GRID2: variants seen among roughly 807,000 people sequenced by gnomAD.
GRID2 encodes the protein glutamate receptor ionotropic, delta-2.
GRID2 carries 33 observed loss-of-function variants against 114.8 expected under a neutral mutation model. The ratio of observed to expected loss-of-function variants is 0.29; its 90% confidence interval spans 0.22 to 0.38. The LOEUF is 0.38. Among genes scored for constraint, GRID2 ranks in the 10% least tolerant of loss-of-function variants. The pLI is 1.00. For missense variants in GRID2, 1,184 were observed against 1,257.7 expected (o/e 0.94, Z 0.89); for synonymous variants, 505 against 449.9 (o/e 1.12, Z -1.55).
chr4:93,758,214 TA>T (rs1055845362), intron 14 of GRID2, among the ~76,000 whole-genome samples: 22 of 152,202 alleles, frequency 1.4e-4, no homozygotes, highest in Admixed American at 2.6e-4. Flanking sequence ...AAATATAATT[TA>T]AAAAAATAGT....
chr4:93,472,539 T>G (rs1161681972), intron 11 of GRID2, among the ~76,000 whole-genome samples: 1 of 152,168 alleles, frequency 6.6e-6, no homozygotes, highest in East Asian at 1.9e-4. Flanking sequence ...ATCAGGAGTT[T>G]AAAAAGTAAA....
At chr4:93,145,693 A>ACCATGTT (rs1736158324) in intron 4 of GRID2, among the ~76,000 whole-genome samples, 1 of 110,356 alleles carries the variant, frequency 9.1e-6, no homozygotes, top group South Asian at 2.7e-4. Context: ...ATGGCGTTTC[A>ACCATGTT]CCATGTTGGC....
At chr4:92,439,331 C>T (rs13136972) in intron 1 of GRID2, among the ~76,000 whole-genome samples, 39 of 152,276 alleles carry the variant, frequency 2.6e-4, no homozygotes, top group Admixed American at 1.1e-3. Flanking sequence ...TCTTCAGTTA[C>T]TTCAGGCCAT....
intron 6 of GRID2, among the ~76,000 whole-genome samples, chr4:93,217,798 TAA>T (rs1306983844): frequency 2.0e-5 from 3 of 152,092 alleles, no homozygotes; most frequent in Non-Finnish European, 4.4e-5. Flanking sequence ...TGCTAGCATA[TAA>T]GTTAATATTT....
intron 2 of GRID2, among the ~76,000 whole-genome samples, chr4:92,657,611 T>C (rs948635524): frequency 6.6e-6 from 1 of 151,700 alleles, no homozygotes; most frequent in African/African-American, 2.4e-5. Flanking sequence ...ATGCCAGAGT[T>C]AACTTTATCA....
chr4:92,957,798 A>T (rs995339844), intron 2 of GRID2, among the ~76,000 whole-genome samples: 1 of 152,216 alleles, frequency 6.6e-6, no homozygotes, highest in Non-Finnish European at 1.5e-5. Context: ...TAAAATATTT[A>T]TCCATTTATT....
intron 1 of GRID2, among the ~76,000 whole-genome samples, chr4:92,550,495 A>T (rs928750156): frequency 6.6e-6 from 1 of 152,060 alleles, no homozygotes; most frequent in Non-Finnish European, 1.5e-5. Context: ...CCCATTTTTT[A>T]AAAAAGTATG....
At chr4:92,989,906 A>G (rs1320640650) in intron 2 of GRID2, among the ~76,000 whole-genome samples, 1 of 152,198 alleles carries the variant, frequency 6.6e-6, no homozygotes, top group Admixed American at 6.5e-5. Context: ...GTAAGATTCT[A>G]AGAACATTTA....
chr4:93,158,803 T>C (rs971532828), intron 4 of GRID2, among the ~76,000 whole-genome samples: 2 of 151,708 alleles, frequency 1.3e-5, no homozygotes, highest in African/African-American at 4.8e-5. Context: ...TGAGACTGAA[T>C]GAAGAGGTTT....
chr4:92,619,016 C>T (rs766990739), intron 2 of GRID2, among the ~76,000 whole-genome samples: 4 of 151,502 alleles, frequency 2.6e-5, no homozygotes, highest in Non-Finnish European at 4.4e-5. Context: ...TTATTGCTTT[C>T]TCTCTGATAT....
intron 8 of GRID2, chr4:93,306,270 A>G (rs2149177327): frequency 6.6e-6 from 1 of 152,298 alleles, no homozygotes; most frequent in Non-Finnish European, 1.5e-5. Context: ...TTAGGTAGAA[A>G]CAGGATGCTG....
intron 14 of GRID2, among the ~76,000 whole-genome samples, chr4:93,726,181 A>G (rs895423023): frequency 6.6e-6 from 1 of 152,182 alleles, no homozygotes; most frequent in East Asian, 1.9e-4. Flanking sequence ...AGGAAGGGAT[A>G]CAGTTTTAAC....
At chr4:93,625,743 A>G (rs922644584) in intron 13 of GRID2, among the ~76,000 whole-genome samples, 3 of 152,108 alleles carry the variant, frequency 2.0e-5, no homozygotes, top group Admixed American at 6.6e-5. Context: ...GTGAAACCCC[A>G]GCTCTACTAA....
At chr4:93,369,959 C>G (rs774540834) in intron 8 of GRID2, among the ~76,000 whole-genome samples, 2 of 152,164 alleles carry the variant, frequency 1.3e-5, no homozygotes, top group Non-Finnish European at 2.9e-5. Context: ...AGGCTTCATA[C>G]AGTCATATTC....
At chr4:93,086,272 G>A (rs1730319091) in intron 3 of GRID2, among the ~76,000 whole-genome samples, 1 of 152,180 alleles carries the variant, frequency 6.6e-6, no homozygotes, top group Non-Finnish European at 1.5e-5. Flanking sequence ...TTCACTCTCT[G>A]TAGCATAACT....
chr4:93,069,080 A>T (rs1258916049), intron 2 of GRID2, among the ~76,000 whole-genome samples: 1 of 151,912 alleles, frequency 6.6e-6, no homozygotes, highest in African/African-American at 2.4e-5. Flanking sequence ...TATCACAAGG[A>T]CAGTATCGGG....
intron 2 of GRID2, among the ~76,000 whole-genome samples, chr4:92,737,188 G>T (rs1450295580): frequency 6.6e-6 from 1 of 151,976 alleles, no homozygotes; most frequent in Admixed American, 6.6e-5. Flanking sequence ...GTAATTTTTT[G>T]ATACAAATCC....
intron 2 of GRID2, among the ~76,000 whole-genome samples, chr4:92,713,159 A>G (rs1215014502): frequency 7.0e-6 from 1 of 142,734 alleles, no homozygotes; most frequent in Admixed American, 7.0e-5. Context: ...CCCCCACCCC[A>G]CAACAGGCCC....
At position 92,304,565 on chromosome 4, in the gene GRID2, A is replaced by T; in HGVS notation, c.-92A>T. 1 of 822,568 alleles carries T rather than the reference A, an allele frequency of 1.2e-6. No homozygotes were observed. The highest frequency in any genetic ancestry group is 2.1e-6 in the Non-Finnish European group (1 of 478,296). 51.0% of individuals were successfully genotyped at this position (822,568 alleles called of 1,614,324 possible). On this transcript the variant is annotated 5_prime_UTR_variant, in exon 1 of 16. Coordinates refer to ENST00000282020, the MANE Select transcript of GRID2 (RefSeq NM_001510.4). Reference sequence around the variant, plus strand: ...TTAGAAAAAAAGAAAAAGCTGCGCTAAACTCCACCGTGACCTCAAACTCTT... The same window carrying T: ...TTAGAAAAAAAGAAAAAGCTGCGCTTAACTCCACCGTGACCTCAAACTCTT...
Sources: gnomAD v4.1 joint callset for allele counts (sites outside exome capture counted in the v4.1 genomes callset) on GRCh38, gnomAD v4.1.1 for gene constraint, MANE v1.5 for transcripts, NCBI Gene and HGNC (gene_info 2026-07-23, HGNC 2026-07-21) for gene names.